Variants in ANKRD12 observed in about 807,000 individuals in gnomAD.
ANKRD12 encodes ankyrin repeat domain-containing protein 12.
Under a neutral mutation model 183.4 loss-of-function variants are expected in ANKRD12, and 85 were observed. The observed-to-expected ratio is 0.46, with a 90% confidence interval of 0.39 to 0.56. ANKRD12 has a LOEUF of 0.56. ANKRD12 is among the 20% of genes least tolerant of loss of function. The pLI is 0.00. For missense variants in ANKRD12, 2,405 were observed against 2,357.1 expected (o/e 1.02, Z -0.42); for synonymous variants, 914 against 800.2 (o/e 1.14, Z -2.40).
intron 3 of ANKRD12, 73 bp downstream of exon 3, chr18:9,195,771 C>T: frequency 7.6e-7 from 1 of 1,310,508 alleles, no homozygotes. Flanking sequence ...TTGTACACCA[C>T]TCCTCTTGAC....
intron 1 of ANKRD12, chr18:9,137,458 C>T (rs1323171440): frequency 6.8e-6 from 1 of 146,196 alleles, no homozygotes; most frequent in Non-Finnish European, 1.5e-5. Flanking sequence ...GAGAGGGCGC[C>T]GCTGGCGTGC....
At chr18:9,247,782 T>TTTTTG (rs201710394) in intron 8 of ANKRD12, among the ~76,000 whole-genome samples, 2,694 of 151,422 alleles carry the variant, frequency 0.018, 42 homozygotes, top group Middle Eastern at 0.045. Flanking sequence ...TTTTGGGGTT[T>TTTTTG]TTTTGTTTTG....
Position 9,255,866 on chromosome 18 carries a change from A to G in ANKRD12, c.2599A>G (p.Ile867Val). The stretch of plus-strand genomic sequence containing the variant: ...AGATCTTAGTGAATGTGTTGATAAA[A>G]TAAAAGAAAAGGACAAGCTATATTC... The part of the protein sequence containing the change: ...KLDLSECVDK[I>V]KEKDKLYSHH... Residue 867 changes from isoleucine to valine, a missense_variant, in exon 9 of 13, where the codon ATA becomes GTA. Physicochemically the swap from Ile to Val is conservative, Grantham distance 29 (BLOSUM62 3). Coordinates refer to ENST00000262126, the MANE Select transcript of ANKRD12 (RefSeq NM_015208.5). The G allele has an allele frequency of 6.3e-7, 1 of 1,591,898 alleles. No homozygotes were observed. Among genetic ancestry groups the G allele is most frequent in the Non-Finnish European group, 8.5e-7 (1 of 1,174,308 alleles).
intron 7 of ANKRD12, among the ~76,000 whole-genome samples, chr18:9,217,298 T>C (rs2036164406): frequency 6.6e-6 from 1 of 152,224 alleles, no homozygotes; most frequent in Non-Finnish European, 1.5e-5. Flanking sequence ...CAAGTGCAGT[T>C]CTGGCCTGGC....
chr18:9,239,693 A>G, intron 8 of ANKRD12: 1 of 301,250 alleles, frequency 3.3e-6, no homozygotes, highest in Middle Eastern at 1.2e-3. Context: ...AGAACATACT[A>G]ATATATAATC....
chr18:9,242,445 A>T (rs1189174022), intron 8 of ANKRD12, among the ~76,000 whole-genome samples: 1 of 132,898 alleles, frequency 7.5e-6, no homozygotes, highest in African/African-American at 2.6e-5. Context: ...TTTGGCTTAA[A>T]AATATTATAT....
intron 8 of ANKRD12, among the ~76,000 whole-genome samples, chr18:9,232,849 T>TTTGTTG (rs35915363): frequency 8.3e-4 from 125 of 150,260 alleles, no homozygotes; most frequent in African/African-American, 2.3e-3. Flanking sequence ...AAGACCTGAT[T>TTTGTTG]TTGTTGTTGT....
rs1262871492 is a variant in ANKRD12, at chr18:9,258,006, A to G, written c.4739A>G (p.Tyr1580Cys). Residue 1580 changes from tyrosine to cysteine, a missense_variant, in exon 9 of 13, where the codon TAT becomes TGT. Tyr to Cys is a radical substitution (Grantham distance 194). This residue lies in a region of ANKRD12 where 1,983 missense variants were observed against 1,725.9 expected (regional missense o/e 1.15). Transcript: ENST00000262126. ...GCATCACCAAACTTTGAGAAAGCTTATACTTTACCTGTGTTACCATCAGAA... is the reference window on the plus strand; with the variant it reads ...GCATCACCAAACTTTGAGAAAGCTTGTACTTTACCTGTGTTACCATCAGAA... ...QEASPNFEKA[Y>C]TLPVLPSEKD... is the part of the protein sequence containing the mutation. The G allele has an allele frequency of 4.3e-6, 7 of 1,613,838 alleles. No individual in the cohort carries two copies. The South Asian group carries it at 7.7e-5, about 18-fold the overall frequency.
intron 1 of ANKRD12, among the ~76,000 whole-genome samples, chr18:9,139,117 G>C (rs999069043): frequency 3.9e-5 from 6 of 152,086 alleles, no homozygotes; most frequent in South Asian, 2.1e-4. Flanking sequence ...GAAATCTCTG[G>C]GTGTGTATTC....
intron 8 of ANKRD12, among the ~76,000 whole-genome samples, chr18:9,248,727 A>AAGAC (rs140285700): frequency 0.063 from 9,663 of 152,318 alleles, 333 homozygotes; most frequent in Non-Finnish European, 0.079. Flanking sequence ...TCAGTGTAGG[A>AAGAC]AGACAGGCAA....
chr18:9,250,898 A>G (rs1333317411), intron 8 of ANKRD12, among the ~76,000 whole-genome samples: 1 of 152,228 alleles, frequency 6.6e-6, no homozygotes, highest in Non-Finnish European at 1.5e-5. Context: ...TGGAAGGAAA[A>G]GTAATGAGTT....
rs767788199 is a variant in ANKRD12 at position 9,195,705 on chromosome 18, T to C, written c.235+7T>C. On this transcript the variant is annotated splice_region_variant and intron_variant, in intron 3 of 12. Transcript: ENST00000262126. ...GAACGAGATTCAGACACAGGTAGAA[T>C]AATTTGCTGTTCTCTGGTAAAATCT... 1.2e-5 allele frequency: 19 copies of C among 1,604,130 alleles called. 1 individual carries two copies. In the South Asian group the frequency reaches 1.9e-4, roughly 16 times the overall value.
At chr18:9,274,392 C>T (rs1306713384) in intron 10 of ANKRD12, among the ~76,000 whole-genome samples, 1 of 152,238 alleles carries the variant, frequency 6.6e-6, no homozygotes, top group African/African-American at 2.4e-5. Context: ...CATGCTACAA[C>T]ATGGATGAAC....
intron 1 of ANKRD12, among the ~76,000 whole-genome samples, chr18:9,157,604 T>TATG (rs1491418837): frequency 2.2e-5 from 1 of 45,936 alleles, no homozygotes; most frequent in Non-Finnish European, 6.7e-5. Flanking sequence ...TATATATGTA[T>TATG]TTTTTTTTTT....
intron 2 of ANKRD12, among the ~76,000 whole-genome samples, chr18:9,192,560 A>G (rs2034519141): frequency 2.0e-5 from 3 of 152,060 alleles, no homozygotes; most frequent in Admixed American, 1.3e-4. Flanking sequence ...GTAACTTCTA[A>G]TCTTTCTGTG....
chr18:9,178,244 A>C (rs549149745), intron 1 of ANKRD12, among the ~76,000 whole-genome samples: 1 of 152,124 alleles, frequency 6.6e-6, no homozygotes, highest in Non-Finnish European at 1.5e-5. Context: ...GAAGTGGTGT[A>C]GTTTTAGCTC....
intron 11 of ANKRD12, among the ~76,000 whole-genome samples, chr18:9,276,882 A>G (rs1048460062): frequency 6.6e-6 from 1 of 152,228 alleles, no homozygotes; most frequent in Non-Finnish European, 1.5e-5. Flanking sequence ...TAGAACTTTC[A>G]TATTTAAAGA....
chr18:9,249,422 C>T (rs923606597), intron 8 of ANKRD12, among the ~76,000 whole-genome samples: 22 of 152,160 alleles, frequency 1.4e-4, no homozygotes, highest in African/African-American at 5.3e-4. Context: ...CTAGAATACA[C>T]AGAATGCATT....
intron 1 of ANKRD12, among the ~76,000 whole-genome samples, chr18:9,149,098 C>T (rs953481542): frequency 6.6e-6 from 1 of 152,162 alleles, no homozygotes; most frequent in Non-Finnish European, 1.5e-5. Flanking sequence ...AAATTCCCTA[C>T]CCCTACCTCC....
Sources: gnomAD v4.1 joint callset for allele counts (sites outside exome capture counted in the v4.1 genomes callset) on GRCh38, gnomAD v4.1.1 for gene constraint, gnomAD v4.1.1 regional missense constraint, MANE v1.5 for transcripts, NCBI Gene and HGNC (gene_info 2026-07-23, HGNC 2026-07-21) for gene names.